Variants in ILKAP observed in about 807,000 individuals in gnomAD.
The protein encoded by ILKAP is integrin-linked kinase-associated serine/threonine phosphatase 2C.
A neutral mutation model predicts 49.1 loss-of-function variants in ILKAP; 11 were observed. That is an observed-to-expected ratio of 0.22 (90% confidence interval 0.14 to 0.37). ILKAP has a LOEUF of 0.37. Among genes scored for constraint, ILKAP ranks in the 10% least tolerant of loss-of-function variants. The pLI is 1.00. For missense variants in ILKAP, 363 were observed against 510.8 expected, an observed-to-expected ratio of 0.71 and a Z score of 2.79; for synonymous variants, 186 against 192.8, an observed-to-expected ratio of 0.96 and a Z score of 0.29.
intron 9 of ILKAP, 109 bp from the exon 10 acceptor site, chr2:238,173,762 G>T: frequency 7.9e-7 from 1 of 1,259,044 alleles, no homozygotes; most frequent in Non-Finnish European, 1.1e-6. Flanking sequence ...GATACAGACT[G>T]TGGAATTCAC....
At chr2:238,177,933 C>T (rs1693534301) in intron 9 of ILKAP, among the ~76,000 whole-genome samples, 1 of 152,100 alleles carries the variant, frequency 6.6e-6, no homozygotes, top group Middle Eastern at 3.2e-3. Flanking sequence ...CACATTCCCA[C>T]CAGCCATGCA....
intron 1 of ILKAP, among the ~76,000 whole-genome samples, chr2:238,201,685 CTAAT>C (rs1178800618): frequency 3.3e-5 from 5 of 152,190 alleles, no homozygotes; most frequent in African/African-American, 1.2e-4. Flanking sequence ...TGAGCAGAAC[CTAAT>C]TAATTGCAGG....
intron 3 of ILKAP, 103 bp downstream of exon 3, chr2:238,194,172 A>C: frequency 1.1e-6 from 1 of 950,582 alleles, no homozygotes; most frequent in Non-Finnish European, 1.7e-6. Context: ...ATTATGACTT[A>C]ATGTCATCCA....
intron 1 of ILKAP, among the ~76,000 whole-genome samples, chr2:238,199,241 A>G (rs1694471814): frequency 6.6e-6 from 1 of 152,210 alleles, no homozygotes; most frequent in South Asian, 2.1e-4. Context: ...AGTTCTTCAT[A>G]TGATAAGTGA....
At chr2:238,195,020 T>A (rs1694286862) in intron 1 of ILKAP, 150 bp from the exon 2 acceptor site, 1 of 613,568 alleles carries the variant, frequency 1.6e-6, no homozygotes, top group Admixed American at 2.9e-5. Flanking sequence ...TTTTAAAACA[T>A]ATTTTCTTAA....
Position 238,183,724 on chromosome 2 carries a change from C to T in ILKAP, c.643G>A (p.Asp215Asn). The T allele has an allele frequency of 6.2e-7, 1 of 1,612,654 alleles. No individual in the cohort carries two copies. The highest frequency in any genetic ancestry group is 8.5e-7 in the Non-Finnish European group (1 of 1,179,568). ...QASSQKPAWK[D>N]GSTATCVLAV... ...AGAACACACGTGGCAGTGGACCCAT[C>T]TTTCCAGGCAGGCTTCCTGGGGGGA... Residue 215 changes from aspartate to asparagine, a missense_variant, in exon 8 of 12, where the codon GAT becomes AAT. Coordinates refer to ENST00000254654, the MANE Select transcript of ILKAP (RefSeq NM_030768.3).
At chr2:238,197,439 C>G (rs1442745446) in intron 1 of ILKAP, among the ~76,000 whole-genome samples, 3 of 152,144 alleles carry the variant, frequency 2.0e-5, no homozygotes, top group Non-Finnish European at 2.9e-5. Context: ...AACAGCCCAA[C>G]ATGAAGAGCA....
intron 1 of ILKAP, among the ~76,000 whole-genome samples, chr2:238,201,181 G>T (rs373179087): frequency 6.6e-6 from 1 of 150,906 alleles, no homozygotes; most frequent in Non-Finnish European, 1.5e-5. Context: ...TTCAAAGTAT[G>T]TTTTTTTTTT....
At chr2:238,202,601 G>A (rs1397989531) in intron 1 of ILKAP, among the ~76,000 whole-genome samples, 4 of 152,294 alleles carry the variant, frequency 2.6e-5, no homozygotes, top group African/African-American at 9.6e-5. Flanking sequence ...AAATCTGAAC[G>A]TCTTAAGTTT....
intron 6 of ILKAP, among the ~76,000 whole-genome samples, chr2:238,184,386 C>T (rs1407656267): frequency 6.6e-6 from 1 of 152,092 alleles, no homozygotes; most frequent in African/African-American, 2.4e-5. Context: ...GACAGGGTTT[C>T]ACCACATTGG....
chr2:238,181,503 G>A (rs1234521818), intron 9 of ILKAP, among the ~76,000 whole-genome samples: 1 of 152,164 alleles, frequency 6.6e-6, no homozygotes, highest in African/African-American at 2.4e-5. Context: ...CTCTGTGCCA[G>A]TTGTTCCCAA....
intron 10 of ILKAP, among the ~76,000 whole-genome samples, chr2:238,172,503 T>C (rs73999873): frequency 0.018 from 2,758 of 152,172 alleles, 103 homozygotes; most frequent in African/African-American, 0.063. Flanking sequence ...CACAGACCCA[T>C]GACTACAACC....
Position 238,173,515 on chromosome 2 carries a change from C to T in ILKAP, c.956+19G>A. The stretch of plus-strand genomic sequence containing the variant: ...AACCCACATGCACACACACCTGTGC[C>T]TCTTATAGGGCCTTTTACCTGTCAT... On this transcript the variant is annotated intron_variant, in intron 10 of 11. Coordinates refer to ENST00000254654, the MANE Select transcript of ILKAP (RefSeq NM_030768.3). 2.6e-6 allele frequency: 4 copies of T among 1,518,308 alleles called. No individual in the cohort carries two copies. The highest frequency in any genetic ancestry group is 2.0e-5 in the African/African-American group (1 of 49,564). The allele number at this position is 1,518,308 out of a possible 1,614,324, so 94.1% of individuals were successfully genotyped here.
chr2:238,170,728 C>T (rs1254643854), intron 11 of ILKAP, 52 bp from the exon 12 acceptor site: 5 of 1,601,140 alleles, frequency 3.1e-6, no homozygotes, highest in Non-Finnish European at 4.3e-6. Context: ...CACCCTGTCA[C>T]TTTCCTGAGA....
intron 1 of ILKAP, among the ~76,000 whole-genome samples, chr2:238,197,804 C>T (rs990597737): frequency 6.6e-5 from 10 of 152,136 alleles, no homozygotes; most frequent in African/African-American, 2.4e-4. Flanking sequence ...GGAATGGCTT[C>T]TAAAAATGAT....
chr2:238,184,554 T>C (rs1693825571), intron 6 of ILKAP, among the ~76,000 whole-genome samples: 1 of 151,898 alleles, frequency 6.6e-6, no homozygotes, highest in Admixed American at 6.6e-5. Context: ...CCCTATTTCT[T>C]TCCTTTTTTA....
intron 4 of ILKAP, 56 bp from the exon 5 acceptor site, chr2:238,188,313 C>T (rs1693985556): frequency 1.3e-6 from 2 of 1,582,662 alleles, no homozygotes; most frequent in Non-Finnish European, 1.7e-6. Context: ...CCTCTGGAAA[C>T]CCTAGTCCCA....
At chr2:238,174,728 C>A (rs1693371642) in intron 9 of ILKAP, among the ~76,000 whole-genome samples, 1 of 152,140 alleles carries the variant, frequency 6.6e-6, no homozygotes, top group Non-Finnish European at 1.5e-5. Context: ...AAAAGCCTAG[C>A]GATCTTCTAG....
Position 238,170,658 on chromosome 2 carries a change from G to GGGT in ILKAP, c.1054_1056dup (p.Thr352dup). On this transcript the variant is annotated inframe_insertion, in exon 12 of 12. Transcript: ENST00000254654. ...GCGTCGGCTGCGGACTTCCCTTCCC[G>GGGT]GGTCTGGATCTTTTCATCCTACCAG... The GGGT allele has an allele frequency of 6.3e-7, 1 of 1,597,234 alleles. No individual in the cohort carries two copies. Among genetic ancestry groups the GGGT allele is most frequent in the Non-Finnish European group, 8.6e-7 (1 of 1,166,928 alleles).
Sources: gnomAD v4.1 joint callset for allele counts (sites outside exome capture counted in the v4.1 genomes callset) on GRCh38, gnomAD v4.1.1 for gene constraint, MANE v1.5 for transcripts, NCBI Gene and HGNC (gene_info 2026-07-23, HGNC 2026-07-21) for gene names.